Variants in GABPB2 observed in about 807,000 individuals in gnomAD.
GABPB2 encodes GA binding protein transcription factor subunit beta 2.
GABPB2 carries 23 observed loss-of-function variants against 39.1 expected under a neutral mutation model. That is an observed-to-expected ratio of 0.59 (90% confidence interval 0.42 to 0.83). GABPB2 has a LOEUF of 0.83. Ranked by LOEUF, GABPB2 falls within the 40% of genes least tolerant of loss-of-function variation. The pLI, the probability that GABPB2 is intolerant of heterozygous loss-of-function variation, is 0.00. For synonymous variants in GABPB2, 184 were observed against 199.3 expected, an observed-to-expected ratio of 0.92 and a Z score of 0.65; for missense variants, 467 against 541.1, an observed-to-expected ratio of 0.86 and a Z score of 1.36.
chr1:151,088,417 A>G, intron 2 of GABPB2, 120 bp downstream of exon 2: 2 of 1,276,062 alleles, frequency 1.6e-6, no homozygotes, highest in Non-Finnish European at 2.2e-6. Context: ...ATCCCTTACA[A>G]GAGTTTTATT....
intron 1 of GABPB2, among the ~76,000 whole-genome samples, chr1:151,083,445 A>G (rs1392120043): frequency 6.6e-6 from 1 of 152,204 alleles, no homozygotes; most frequent in Admixed American, 6.6e-5. Flanking sequence ...CAGCCTGGCC[A>G]ACATGGCGAA....
At chr1:151,100,388 T>C (rs10788799) in intron 5 of GABPB2, among the ~76,000 whole-genome samples, 118,449 of 150,734 alleles carry the variant, frequency 0.79, 46,703 homozygotes, top group East Asian at 0.91. Flanking sequence ...TGTGATCCAC[T>C]CGCCATGGCC....
intron 1 of GABPB2, among the ~76,000 whole-genome samples, chr1:151,073,749 G>A (rs1387440200): frequency 1.3e-5 from 2 of 151,590 alleles, no homozygotes; most frequent in East Asian, 2.0e-4. Context: ...GTGAAACCCC[G>A]TCTCTAATAA....
At position 151,070,946 on chromosome 1, in the gene GABPB2, AG is replaced by A. The variant is rs1676649855; in HGVS notation, c.-1+13del. ...TCCCGGACGAGGAGGTGAGGAGGAA[AG>A]AAGAGATGTGTGGACTCCGGGGGGC... On this transcript the variant is annotated intron_variant, in intron 1 of 8. Coordinates refer to ENST00000368918, the MANE Select transcript of GABPB2 (RefSeq NM_144618.3). 6.6e-6 allele frequency: 1 copy of A among 152,230 alleles called. No individual in the cohort carries two copies. The highest frequency in any genetic ancestry group is 2.1e-4 in the South Asian group (1 of 4,826). The allele number at this position is 152,230 out of a possible 1,614,324, so 9.4% of individuals were successfully genotyped here.
At chr1:151,105,857 A>G (rs1264426287) in intron 6 of GABPB2, among the ~76,000 whole-genome samples, 3 of 152,128 alleles carry the variant, frequency 2.0e-5, no homozygotes, top group East Asian at 3.8e-4. Flanking sequence ...ATTTTTGTCT[A>G]TCAAACTTCA....
chr1:151,084,302 G>A (rs1558130723), intron 1 of GABPB2, among the ~76,000 whole-genome samples: 1 of 151,200 alleles, frequency 6.6e-6, no homozygotes, highest in African/African-American at 2.4e-5. Flanking sequence ...TCGGCTCACC[G>A]CAACCTCCCT....
intron 5 of GABPB2, among the ~76,000 whole-genome samples, chr1:151,099,501 G>A (rs923079404): frequency 2.0e-5 from 3 of 152,130 alleles, no homozygotes; most frequent in African/African-American, 7.2e-5. Flanking sequence ...TGGCCTATCA[G>A]TTAGCATCTC....
chr1:151,115,402 CTTTT>C (rs111270273), intron 7 of GABPB2, among the ~76,000 whole-genome samples: 2 of 132,910 alleles, frequency 1.5e-5, no homozygotes, highest in South Asian at 4.7e-4. Context: ...AAACTATTTT[CTTTT>C]TTTTTTTTTT....
At chr1:151,078,305 C>T (rs1454584075) in intron 1 of GABPB2, among the ~76,000 whole-genome samples, 3 of 139,582 alleles carry the variant, frequency 2.1e-5, no homozygotes, top group South Asian at 2.3e-4. Context: ...AATAAAAATT[C>T]ATTTTACACT....
intron 4 of GABPB2, among the ~76,000 whole-genome samples, chr1:151,097,498 T>C (rs939403561): frequency 5.3e-5 from 8 of 151,820 alleles, no homozygotes; most frequent in African/African-American, 1.9e-4. Flanking sequence ...TAAGTGTTCT[T>C]GGGCTGGGCA....
chr1:151,093,810 G>A lies in GABPB2; in HGVS notation c.471+424G>A, dbSNP rs1678897763. Reference sequence around the variant, plus strand: ...GTTTTCTGAATATTCATCAACTGATGTGAGACAGTATACAGATGCTCCTTG... The same window carrying A: ...GTTTTCTGAATATTCATCAACTGATATGAGACAGTATACAGATGCTCCTTG... On this transcript the variant is annotated intron_variant, in intron 4 of 8. Coordinates refer to ENST00000368918, the MANE Select transcript of GABPB2 (RefSeq NM_144618.3). Among the ~76,000 whole-genome samples the A allele has an allele frequency of 2.0e-5, 3 of 151,856 alleles. No homozygotes were observed. In the South Asian group the frequency reaches 6.2e-4, roughly 31 times the overall value.
chr1:151,083,750 A>T (rs1677919834), intron 1 of GABPB2, among the ~76,000 whole-genome samples: 1 of 150,376 alleles, frequency 6.6e-6, no homozygotes, highest in South Asian at 2.1e-4. Flanking sequence ...ATTTGTTATT[A>T]TTATTTTTTG....
chr1:151,091,026 AAAAAAAC>A (rs1172506084), intron 3 of GABPB2, among the ~76,000 whole-genome samples: 7 of 150,932 alleles, frequency 4.6e-5, no homozygotes, highest in African/African-American at 1.7e-4. Context: ...ACAAAAAAAC[AAAAAAAC>A]AAAAAAAAAA....
At chr1:151,072,507 C>T (rs1004537776) in intron 1 of GABPB2, among the ~76,000 whole-genome samples, 2 of 151,924 alleles carry the variant, frequency 1.3e-5, no homozygotes. Context: ...CGTGATTGCA[C>T]CACTGCACTC....
In GABPB2 at chr1:151,125,426, GTA is replaced by G. The variant is rs1046969203; in HGVS notation, c.*7174_*7175del. ...TTTATTCTGATGAGCAAGTTTGTGT[GTA>G]TATGTGTGTATGAGCATTTGTATGT... On this transcript the variant is annotated 3_prime_UTR_variant, in exon 9 of 9. Transcript: ENST00000368918. 1 of 152,056 alleles carries G rather than the reference GTA, an allele frequency of 6.6e-6. No homozygotes were observed. Among genetic ancestry groups the G allele is most frequent in the Admixed American group, 6.6e-5 (1 of 15,266 alleles). 9.4% of individuals were successfully genotyped at this position (152,056 alleles called of 1,614,324 possible).
At chr1:151,075,853 G>T (rs1677131440) in intron 1 of GABPB2, among the ~76,000 whole-genome samples, 1 of 152,072 alleles carries the variant, frequency 6.6e-6, no homozygotes, top group Admixed American at 6.6e-5. Context: ...AAACACCTCT[G>T]ACATTTCTCC....
chr1:151,102,504 G>A lies in GABPB2; in HGVS notation c.623-1058G>A, dbSNP rs369713362. 6.6e-5 allele frequency among the ~76,000 whole-genome samples: 10 copies of A among 152,050 alleles called. No individual in the cohort carries two copies. The East Asian group carries it at 7.7e-4, about 12-fold the overall frequency. On this transcript the variant is annotated intron_variant, in intron 5 of 8. Transcript: ENST00000368918. ...GTCACCCAAGCTGAAGTGCAGTGGT[G>A]CGATCTCGGCTTACTGCAATCTCCA...
At position 151,097,881 on chromosome 1, in the gene GABPB2, T is replaced by C; in HGVS notation, c.501T>C (p.Asn167=). The part of the protein sequence containing the change: ...QEAMQNQVNV[N]PERANPVTDP... ...CAATGCAGAATCAGGTGAATGTTAA[T>C]CCAGAGAGAGCCAACCCTGTGACTG... Residue 167 remains asparagine, a synonymous_variant, in exon 5 of 9, where the codon AAT becomes AAC. Coordinates refer to ENST00000368918, the MANE Select transcript of GABPB2 (RefSeq NM_144618.3). The C allele has an allele frequency of 1.9e-6, 3 of 1,614,050 alleles. No homozygotes were observed. Among genetic ancestry groups the C allele is most frequent in the Admixed American group, 3.3e-5 (2 of 59,986 alleles).
chr1:151,085,574 G>A (rs1485465173), intron 1 of GABPB2, among the ~76,000 whole-genome samples: 2 of 151,978 alleles, frequency 1.3e-5, no homozygotes, highest in African/African-American at 4.8e-5. Flanking sequence ...CTGAGTAGCT[G>A]GGACTACAGG....
Sources: gnomAD v4.1 joint callset for allele counts (sites outside exome capture counted in the v4.1 genomes callset) on GRCh38, gnomAD v4.1.1 for gene constraint, MANE v1.5 for transcripts, NCBI Gene and HGNC (gene_info 2026-07-23, HGNC 2026-07-21) for gene names.